IL23R: variants seen among roughly 807,000 people sequenced by gnomAD.
IL23R encodes interleukin 23 receptor, also known as interleukin-23 receptor.
A neutral mutation model predicts 56.9 loss-of-function variants in IL23R; 34 were observed. That is an observed-to-expected ratio of 0.60 (90% CI 0.45 to 0.80). The LOEUF (loss-of-function observed/expected upper bound fraction) is 0.80, where lower values mean the gene tolerates loss of function less well. IL23R is among the 30% of genes least tolerant of loss of function. IL23R has a pLI of 0.00. For synonymous variants in IL23R, 230 were observed against 249.2 expected, an observed-to-expected ratio of 0.92 and a Z score of 0.73; for missense variants, 635 against 730.0, an observed-to-expected ratio of 0.87 and a Z score of 1.50.
intron 6 of IL23R, chr1:67,207,504 G>C (rs979061778): frequency 3.2e-6 from 1 of 314,802 alleles, no homozygotes; most frequent in African/African-American, 2.2e-5. Flanking sequence ...GAGGGACCCA[G>C]GGGGAGGTAA....
chr1:67,264,743 A>T (rs113364901), downstream of IL23R, among the ~76,000 whole-genome samples: 2,371 of 152,322 alleles, frequency 0.016, 70 homozygotes, highest in African/African-American at 0.054. Context: ...TCAACTTAAG[A>T]TAACCACACT....
At chr1:67,171,179 T>G (rs1373566476) in intron 3 of IL23R, among the ~76,000 whole-genome samples, 1 of 152,148 alleles carries the variant, frequency 6.6e-6, no homozygotes, top group Non-Finnish European at 1.5e-5. Context: ...ACTATACAAT[T>G]TCTTTGGAGG....
chr1:67,167,471 A>G (rs1341166211), intron 1 of IL23R, among the ~76,000 whole-genome samples: 1 of 152,184 alleles, frequency 6.6e-6, no homozygotes, highest in African/African-American at 2.4e-5. Context: ...GAGTTCTGAA[A>G]TTTTTGGCTC....
chr1:67,166,053 ATGT>A (rs561963040), upstream of IL23R, among the ~76,000 whole-genome samples: 4 of 152,262 alleles, frequency 2.6e-5, no homozygotes, highest in Non-Finnish European at 5.9e-5. Flanking sequence ...TCAAATCATC[ATGT>A]TGTATATCAT....
chr1:67,213,207 A>G (rs1267412536), intron 6 of IL23R, among the ~76,000 whole-genome samples: 1 of 152,146 alleles, frequency 6.6e-6, no homozygotes. Flanking sequence ...GTGCCTCGTT[A>G]TTCCCATACA....
At chr1:67,168,263 G>T in intron 2 of IL23R, 73 bp downstream of exon 2, 1 of 1,112,110 alleles carries the variant, frequency 9.0e-7, no homozygotes, top group South Asian at 1.2e-5. Flanking sequence ...CATTTTCATG[G>T]TTTTATGTTA....
chr1:67,180,144 C>A (rs6647785), intron 3 of IL23R, among the ~76,000 whole-genome samples: 1 of 152,136 alleles, frequency 6.6e-6, no homozygotes, highest in Non-Finnish European at 1.5e-5. Context: ...CTGCTTGGTG[C>A]AGAGCTGAGT....
chr1:67,146,534 A>G (rs576182910), intron 1 of IL23R, among the ~76,000 whole-genome samples: 65 of 152,332 alleles, frequency 4.3e-4, no homozygotes, highest in African/African-American at 1.3e-3. Flanking sequence ...AATAAATAAT[A>G]TAAAAGTGAT....
At chr1:67,228,870 C>A (rs1413312079) in intron 7 of IL23R, among the ~76,000 whole-genome samples, 3 of 152,142 alleles carry the variant, frequency 2.0e-5, no homozygotes, top group Non-Finnish European at 4.4e-5. Context: ...CCAGATCCAC[C>A]CATGTAATCT....
At chr1:67,216,168 T>C (rs1649820513) in intron 6 of IL23R, among the ~76,000 whole-genome samples, 1 of 152,232 alleles carries the variant, frequency 6.6e-6, no homozygotes, top group Non-Finnish European at 1.5e-5. Flanking sequence ...ATACTCTGTT[T>C]CAGGGCATTT....
At chr1:67,156,234 C>A (rs566830358) in intron 1 of IL23R, among the ~76,000 whole-genome samples, 1 of 152,194 alleles carries the variant, frequency 6.6e-6, no homozygotes, top group Non-Finnish European at 1.5e-5. Flanking sequence ...TGTCGACCCC[C>A]GTTGGGAGGT....
intron 7 of IL23R, among the ~76,000 whole-genome samples, chr1:67,229,645 C>T (rs574505746): frequency 4.6e-5 from 7 of 152,274 alleles, no homozygotes; most frequent in Admixed American, 6.5e-5. Context: ...TACATAGGGG[C>T]GGCCAGCCAC....
chr1:67,176,287 G>C (rs574205355), intron 3 of IL23R, among the ~76,000 whole-genome samples: 2 of 152,248 alleles, frequency 1.3e-5, no homozygotes, highest in South Asian at 2.1e-4. Context: ...ATATAGTCAA[G>C]TATAAGAAGA....
At chr1:67,145,227 A>G (rs898566830) in intron 1 of IL23R, among the ~76,000 whole-genome samples, 1 of 152,102 alleles carries the variant, frequency 6.6e-6, no homozygotes, top group Non-Finnish European at 1.5e-5. Flanking sequence ...GGCACCTGTA[A>G]TTCCAGCTAC....
chr1:67,211,150 G>A (rs1649444461), intron 6 of IL23R, among the ~76,000 whole-genome samples: 1 of 152,174 alleles, frequency 6.6e-6, no homozygotes, highest in African/African-American at 2.4e-5. Flanking sequence ...TCATTTGATT[G>A]ATAATCAAGT....
intron 6 of IL23R, 82 bp from the exon 7 acceptor site, chr1:67,219,481 TGGAACATAATA>T: frequency 1.7e-6 from 2 of 1,208,252 alleles, no homozygotes; most frequent in South Asian, 2.5e-5. Context: ...GAAGACAGCT[TGGAACATAATA>T]GGTGTTCCAT....
chr1:67,240,682 T>C (rs531537463), intron 9 of IL23R, among the ~76,000 whole-genome samples: 128 of 152,316 alleles, frequency 8.4e-4, no homozygotes, highest in African/African-American at 3.0e-3. Flanking sequence ...TTGAGAGTGG[T>C]GAAGTCACAA....
chr1:67,243,457 C>T (rs1651988253), intron 9 of IL23R, among the ~76,000 whole-genome samples: 1 of 152,022 alleles, frequency 6.6e-6, no homozygotes, highest in Non-Finnish European at 1.5e-5. Context: ...TATCCCTCCC[C>T]CAGCCTCCTA....
upstream of IL23R, among the ~76,000 whole-genome samples, chr1:67,163,349 GTCC>G (rs144435380): frequency 0.016 from 2,498 of 151,438 alleles, 62 homozygotes; most frequent in African/African-American, 0.057. Flanking sequence ...GGTGTGTGTA[GTCC>G]CAGCTACTTG....
Sources: allele counts gnomAD v4.1 joint callset (sites outside exome capture counted in the v4.1 genomes callset), GRCh38; gene constraint gnomAD v4.1.1; transcripts MANE v1.5; gene names NCBI Gene and HGNC (gene_info 2026-07-23, HGNC 2026-07-21).